The following PARVB variants were observed in gnomAD, a reference collection of about 807,000 sequenced individuals.
PARVB encodes beta-parvin.
PARVB carries 46 observed loss-of-function variants against 47.0 expected under a neutral mutation model. The ratio of observed to expected loss-of-function variants is 0.98; its 90% CI spans 0.77 to 1.25. The LOEUF (loss-of-function observed/expected upper bound fraction) is 1.25. Ranked by LOEUF, PARVB falls within the 50% of genes most tolerant of loss-of-function variation. The pLI is 0.00. For missense variants in PARVB, 473 were observed against 471.6 expected (o/e 1.00, Z -0.03); for synonymous variants, 196 against 196.3 (o/e 1.00, Z 0.01).
intron 7 of PARVB, 22 bp from the exon 8 acceptor site, chr22:44,140,102 C>T: frequency 2.2e-6 from 3 of 1,375,642 alleles, no homozygotes; most frequent in Middle Eastern, 2.2e-4. Context: ...TCTCATGGCT[C>T]TCTCTGTGTT....
rs575640587 is a variant in PARVB, at chr22:44,172,874, G to C, written c.*4196G>C. On this transcript the variant is annotated 3_prime_UTR_variant, in exon 13 of 13. Coordinates refer to ENST00000338758, the MANE Select transcript of PARVB (RefSeq NM_013327.5). ...CAAACACTTCTTCCGCCAGGGATGCGGTTAGGACAATGCCACGTGGCGTCA... is the reference window on the plus strand; with the variant it reads ...CAAACACTTCTTCCGCCAGGGATGCCGTTAGGACAATGCCACGTGGCGTCA... The C allele has an allele frequency of 1.1e-6, 1 of 924,122 alleles. No individual in the cohort carries two copies. Among genetic ancestry groups the C allele is most frequent in the Admixed American group, 2.6e-5 (1 of 38,176 alleles). The allele number at this position is 924,122 out of a possible 1,614,324, so 57.2% of individuals were successfully genotyped here.
chr22:44,153,394 T>C (rs760183307), intron 10 of PARVB: 2 of 152,104 alleles, frequency 1.3e-5, no homozygotes, highest in Non-Finnish European at 2.9e-5. Context: ...AGTGACACAA[T>C]CTCAGCTCAC....
rs748118310 is a variant in PARVB at position 44,157,990 on chromosome 22, T to C, written c.852T>C (p.Asp284=). 3 of 1,612,810 alleles carry C rather than the reference T, an allele frequency of 1.9e-6. No individual in the cohort carries two copies. The highest frequency in any genetic ancestry group is 2.5e-6 in the Non-Finnish European group (3 of 1,178,780). ...EVTELETQFA[D]GVYLVLLMGL... ...CAAGTCTTTCTCTGCAGTTTGCAGATGGCGTGTACCTGGTTCTGCTCATGG... is the reference window on the plus strand; with the variant it reads ...CAAGTCTTTCTCTGCAGTTTGCAGACGGCGTGTACCTGGTTCTGCTCATGG... Residue 284 remains aspartate, a synonymous_variant, in exon 11 of 13, where the codon GAT becomes GAC. Transcript: ENST00000338758.
intron 1 of PARVB, among the ~76,000 whole-genome samples, chr22:44,064,940 A>G (rs929497627): frequency 6.6e-6 from 1 of 152,182 alleles, no homozygotes; most frequent in Non-Finnish European, 1.5e-5. Flanking sequence ...AGTTCTTTCC[A>G]CTGATCCCCA....
At chr22:44,139,964 C>T in intron 7 of PARVB, 160 bp from the exon 8 acceptor site, 1 of 464,358 alleles carries the variant, frequency 2.2e-6, no homozygotes, top group African/African-American at 2.5e-5. Context: ...CAGGCTGGAA[C>T]ACAGCACCAT....
At chr22:44,123,728 G>C (rs994874973) in intron 4 of PARVB, among the ~76,000 whole-genome samples, 26 of 150,280 alleles carry the variant, frequency 1.7e-4, no homozygotes, top group African/African-American at 5.9e-4. Context: ...ACGAGGCTTT[G>C]CCATGTTGCC....
intron 3 of PARVB, chr22:44,111,223 G>C (rs1242654759): frequency 1.3e-5 from 2 of 152,064 alleles, no homozygotes; most frequent in East Asian, 3.9e-4. Context: ...AGTGTGCACA[G>C]GGCTAGGGAC....
chr22:44,022,021 G>A (rs144635513), upstream of PARVB, among the ~76,000 whole-genome samples: 1 of 152,006 alleles, frequency 6.6e-6, no homozygotes, highest in Non-Finnish European at 1.5e-5. Flanking sequence ...GTACACAGGG[G>A]TATTACAAGG....
chr22:44,094,140 T>G (rs1438438111), intron 2 of PARVB, 123 bp downstream of exon 2: 1 of 556,030 alleles, frequency 1.8e-6, no homozygotes, highest in South Asian at 2.6e-5. Flanking sequence ...TGGGGGCATT[T>G]GGGAGTCTAA....
intron 1 of PARVB, among the ~76,000 whole-genome samples, chr22:44,085,402 C>T (rs1038874798): frequency 1.3e-5 from 2 of 152,180 alleles, no homozygotes; most frequent in Admixed American, 6.5e-5. Context: ...CTCCGCTTCT[C>T]GGCTTCAAAC....
chr22:44,040,882 A>T (rs1363323136), intron 1 of PARVB, among the ~76,000 whole-genome samples: 1 of 152,120 alleles, frequency 6.6e-6, no homozygotes, highest in African/African-American at 2.4e-5. Context: ...AGGCGCCTGT[A>T]GTCCCAGCTA....
chr22:44,008,425 A>G (rs962826370), intron 2 of PARVB, among the ~76,000 whole-genome samples: 1 of 152,172 alleles, frequency 6.6e-6, no homozygotes, highest in Non-Finnish European at 1.5e-5. Context: ...ACAGGATTTT[A>G]TGATTGAGTG....
At chr22:44,142,377 C>CAAAAAAAA (rs3053819) in intron 8 of PARVB, 2 of 57,070 alleles carry the variant, frequency 3.5e-5, no homozygotes, top group East Asian at 7.2e-4. Context: ...GACTCTGTCT[C>CAAAAAAAA]AAAAAAAAAA....
chr22:44,131,659 C>T (rs1302692758), intron 5 of PARVB, 32 bp downstream of exon 5: 2 of 1,579,952 alleles, frequency 1.3e-6, no homozygotes, highest in South Asian at 2.3e-5. Flanking sequence ...GAGGGACTGT[C>T]TGGAGGGAGC....
Position 44,100,140 on chromosome 22 carries a change from T to G in PARVB, c.273+17T>G. The G allele has an allele frequency of 1.2e-6, 2 of 1,604,412 alleles. No individual in the cohort carries two copies. The highest frequency in any genetic ancestry group is 1.1e-5 in the South Asian group (1 of 90,878). On this transcript the variant is annotated intron_variant, in intron 3 of 12. Coordinates refer to ENST00000338758, the MANE Select transcript of PARVB (RefSeq NM_013327.5). ...CTGGTCAAGGTAAGGAGCTCCGTCT[T>G]GGTTGGAATCTTCCTCTTAGGGCGA...
In PARVB at chr22:44,125,813, A is replaced by T. The variant is rs112308773; in HGVS notation, c.377-5674A>T. Among the ~76,000 whole-genome samples the T allele has an allele frequency of 0.048, 7,273 of 152,102 alleles. 559 individuals are homozygous for T. The highest frequency in any genetic ancestry group is 0.17 in the African/African-American group (6,896 of 41,452). ...ACTTAGGCTTCTGGGTGCAGGATGG[A>T]TGGGGAGGAGAGTCAGGAGTTGGAA... On this transcript the variant is annotated intron_variant, in intron 4 of 12. Coordinates refer to ENST00000338758, the MANE Select transcript of PARVB (RefSeq NM_013327.5). The surrounding 1 kb of genome is among the most constrained non-coding windows in gnomAD (Gnocchi z 4.1).
chr22:44,097,316 C>T (rs2052331826), intron 2 of PARVB, among the ~76,000 whole-genome samples: 1 of 152,200 alleles, frequency 6.6e-6, no homozygotes, highest in African/African-American at 2.4e-5. Context: ...GGGCCCAGGC[C>T]CCTCTGCTTT....
intron 12 of PARVB, among the ~76,000 whole-genome samples, chr22:44,167,520 C>T (rs999373138): frequency 6.6e-6 from 1 of 152,046 alleles, no homozygotes; most frequent in East Asian, 1.9e-4. Flanking sequence ...TCAGAGGGGG[C>T]CAGGAGGTGA....
chr22:44,015,470 CA>C (rs1451664601), intron 2 of PARVB, among the ~76,000 whole-genome samples: 1 of 152,152 alleles, frequency 6.6e-6, no homozygotes, highest in East Asian at 1.9e-4. Flanking sequence ...ACCACGTATA[CA>C]ATAAAGAAAC....
Sources: allele counts gnomAD v4.1 joint callset (sites outside exome capture counted in the v4.1 genomes callset), GRCh38; gene constraint gnomAD v4.1.1; non-coding constraint Gnocchi (gnomAD v3.1); transcripts MANE v1.5; gene names NCBI Gene and HGNC (gene_info 2026-07-23, HGNC 2026-07-21).